COMMD10: variants seen among roughly 807,000 people sequenced by gnomAD.
COMMD10 encodes COMM domain containing 10.
A neutral mutation model predicts 28.9 loss-of-function variants in COMMD10; 33 were observed. That is an observed-to-expected ratio of 1.14 (90% confidence interval 0.87 to 1.53). The LOEUF is 1.53. Ranked by LOEUF, COMMD10 falls within the 40% of genes most tolerant of loss-of-function variation. COMMD10 has a pLI of 0.00. For synonymous variants in COMMD10, 110 were observed against 81.7 expected, an observed-to-expected ratio of 1.35 and a Z score of -1.87; for missense variants, 310 against 233.4, an observed-to-expected ratio of 1.33 and a Z score of -2.14.
intron 4 of COMMD10, among the ~76,000 whole-genome samples, chr5:116,106,468 G>A (rs1431640671): frequency 3.3e-5 from 5 of 152,128 alleles, no homozygotes; most frequent in Non-Finnish European, 4.4e-5. Flanking sequence ...CTGTTGATTT[G>A]GTGTGGAGAG....
At chr5:116,088,546 T>C (rs780247565) in intron 2 of COMMD10, among the ~76,000 whole-genome samples, 3 of 152,216 alleles carry the variant, frequency 2.0e-5, no homozygotes, top group Admixed American at 1.3e-4. Context: ...ATCCTTAACA[T>C]TGCGTACAAG....
chr5:116,212,837 G>C (rs1282980360), intron 5 of COMMD10, among the ~76,000 whole-genome samples: 1 of 151,952 alleles, frequency 6.6e-6, no homozygotes, highest in African/African-American at 2.4e-5. Flanking sequence ...GGAATATTCT[G>C]TATATATCTG....
chr5:116,184,370 G>A (rs1302973127), intron 5 of COMMD10, among the ~76,000 whole-genome samples: 1 of 148,410 alleles, frequency 6.7e-6, no homozygotes, highest in African/African-American at 2.5e-5. Context: ...ACAATAAGTT[G>A]AATTGATTTG....
chr5:116,241,583 C>CTTATGTATGTAT (rs150574868), intron 5 of COMMD10, among the ~76,000 whole-genome samples: 2 of 140,506 alleles, frequency 1.4e-5, no homozygotes, highest in African/African-American at 5.2e-5. Flanking sequence ...ACTCTGCTTT[C>CTTATGTATGTAT]TTATTTATTT....
chr5:116,291,495 T>C (rs1385596193), intron 5 of COMMD10, 22 bp from the exon 6 acceptor site: 2 of 1,558,898 alleles, frequency 1.3e-6, no homozygotes, highest in Non-Finnish European at 1.8e-6. Context: ...TACATTCTTT[T>C]TGTTGTTTTT....
chr5:116,225,533 C>A (rs1749373037), intron 5 of COMMD10, among the ~76,000 whole-genome samples: 1 of 152,036 alleles, frequency 6.6e-6, no homozygotes, highest in Non-Finnish European at 1.5e-5. Flanking sequence ...AGGTATTCAG[C>A]TTACACCTTT....
chr5:116,260,504 T>C (rs1435070870), intron 5 of COMMD10, among the ~76,000 whole-genome samples: 1 of 151,894 alleles, frequency 6.6e-6, no homozygotes, highest in African/African-American at 2.4e-5. Context: ...CCATGGCATG[T>C]CAGTATCTTG....
At chr5:116,124,217 T>C (rs538688824) in intron 4 of COMMD10, among the ~76,000 whole-genome samples, 1 of 152,334 alleles carries the variant, frequency 6.6e-6, no homozygotes, top group East Asian at 1.9e-4. Flanking sequence ...GTGCTATAAA[T>C]TTCCTTCTAC....
At chr5:116,226,056 G>A (rs556155503) in intron 5 of COMMD10, among the ~76,000 whole-genome samples, 5 of 152,080 alleles carry the variant, frequency 3.3e-5, no homozygotes, top group African/African-American at 9.6e-5. Context: ...TTTTGTAGCT[G>A]TAGCTATGGA....
chr5:116,195,169 G>A (rs1748476176), intron 5 of COMMD10, among the ~76,000 whole-genome samples: 1 of 152,030 alleles, frequency 6.6e-6, no homozygotes, highest in African/African-American at 2.4e-5. Flanking sequence ...GTACCATAAT[G>A]TAATAAAAGC....
At chr5:116,204,313 A>G (rs1228286715) in intron 5 of COMMD10, among the ~76,000 whole-genome samples, 2 of 152,138 alleles carry the variant, frequency 1.3e-5, no homozygotes, top group African/African-American at 4.8e-5. Flanking sequence ...TTATCTTTCT[A>G]TTTCACTAAA....
intron 5 of COMMD10, among the ~76,000 whole-genome samples, chr5:116,244,036 C>T (rs1749878660): frequency 6.6e-6 from 1 of 152,138 alleles, no homozygotes; most frequent in Non-Finnish European, 1.5e-5. Flanking sequence ...TGTCTATACA[C>T]ACACACATAT....
intron 5 of COMMD10, among the ~76,000 whole-genome samples, chr5:116,166,140 G>C (rs530123531): frequency 1.9e-5 from 2 of 103,910 alleles, no homozygotes; most frequent in East Asian, 4.7e-4. Flanking sequence ...ATGGACTTGA[G>C]TCCATTTCTC....
At chr5:116,264,266 G>T (rs1163737492) in intron 5 of COMMD10, among the ~76,000 whole-genome samples, 1 of 151,760 alleles carries the variant, frequency 6.6e-6, no homozygotes, top group Non-Finnish European at 1.5e-5. Context: ...TTCTTCTGCA[G>T]GTTTGTTAAA....
intron 4 of COMMD10, among the ~76,000 whole-genome samples, chr5:116,115,062 G>C (rs113910562): frequency 0.022 from 3,298 of 152,192 alleles, 117 homozygotes; most frequent in African/African-American, 0.076. Context: ...GGTGCTATAG[G>C]TTCCCAGGTC....
chr5:116,207,728 G>A (rs1373311382), intron 5 of COMMD10, among the ~76,000 whole-genome samples: 3 of 152,098 alleles, frequency 2.0e-5, no homozygotes, highest in East Asian at 1.9e-4. Flanking sequence ...GTTTCACCAC[G>A]TTGGCCAGGC....
intron 3 of COMMD10, among the ~76,000 whole-genome samples, chr5:116,091,454 C>T (rs182911597): frequency 1.3e-5 from 2 of 152,012 alleles, no homozygotes; most frequent in East Asian, 3.9e-4. Flanking sequence ...ACATATTTTA[C>T]TTAAGATATT....
At chr5:116,176,369 C>T (rs1255217423) in intron 5 of COMMD10, among the ~76,000 whole-genome samples, 3 of 152,166 alleles carry the variant, frequency 2.0e-5, no homozygotes, top group Non-Finnish European at 4.4e-5. Context: ...TCTCGTCGGC[C>T]TCCCAAAGTG....
chr5:116,126,045 A>G (rs1009134795), intron 4 of COMMD10, among the ~76,000 whole-genome samples: 12 of 152,330 alleles, frequency 7.9e-5, no homozygotes, highest in Non-Finnish European at 1.3e-4. Context: ...TCTCAGCCCA[A>G]AATCTCCTTA....
Sources: allele counts gnomAD v4.1 joint callset (sites outside exome capture counted in the v4.1 genomes callset), GRCh38; gene constraint gnomAD v4.1.1; transcripts MANE v1.5; gene names NCBI Gene and HGNC (gene_info 2026-07-23, HGNC 2026-07-21).